The following CNTNAP1 variants were observed in gnomAD, a reference collection of about 807,000 sequenced individuals.
CNTNAP1 encodes contactin-associated protein 1.
A neutral mutation model predicts 161.5 loss-of-function variants in CNTNAP1; 80 were observed. The ratio of observed to expected loss-of-function variants is 0.50; its 90% CI spans 0.41 to 0.60. CNTNAP1 has a LOEUF of 0.60. Among genes scored for constraint, CNTNAP1 ranks in the 20% least tolerant of loss-of-function variants. CNTNAP1 has a pLI of 0.00. For missense variants in CNTNAP1, 1,464 were observed against 1,854.8 expected, an observed-to-expected ratio of 0.79 and a Z score of 3.87; for synonymous variants, 695 against 733.1, an observed-to-expected ratio of 0.95 and a Z score of 0.84.
chr17:42,692,349 GGTAA>G (rs2143666296), intron 16 of CNTNAP1, 146 bp from the exon 17 acceptor site: 1 of 681,156 alleles, frequency 1.5e-6, no homozygotes, highest in South Asian at 1.9e-5. Context: ...TTAAGCAGCT[GGTAA>G]GTTTCAATGC....
Position 42,689,619 on chromosome 17 carries a change from GC to G in CNTNAP1, c.1729del (p.His577ThrfsTer32), listed in dbSNP as rs1175663331. On this transcript the variant is annotated frameshift_variant, in exon 11 of 24. Coordinates refer to ENST00000264638, the MANE Select transcript of CNTNAP1 (RefSeq NM_003632.3). LOFTEE classifies it high-confidence loss of function. Reference sequence around the variant, plus strand: ...CTGACGGGCTACAAGGGAGAGACCTGCCACACACGTAAGCCAGATGTGGTAT... The same window carrying G: ...CTGACGGGCTACAAGGGAGAGACCTGCACACACGTAAGCCAGATGTGGTAT... ...CELTGYKGET[C>X]HTPLYKESCE... 6.2e-7 allele frequency: 1 copy of G among 1,613,660 alleles called. No homozygotes were observed. Among genetic ancestry groups the G allele is most frequent in the Non-Finnish European group, 8.5e-7 (1 of 1,179,670 alleles).
intron 6 of CNTNAP1, 65 bp from the exon 7 acceptor site, chr17:42,686,838 G>A: frequency 1.3e-6 from 2 of 1,517,282 alleles, no homozygotes; most frequent in Non-Finnish European, 1.8e-6. Flanking sequence ...CATACGGCGG[G>A]GACGCGCGAG....
chr17:42,695,516 T>C lies in CNTNAP1; in HGVS notation c.2993-5T>C, dbSNP rs771302298. On this transcript the variant is annotated splice_region_variant and splice_polypyrimidine_tract_variant and intron_variant, in intron 18 of 23. Transcript: ENST00000264638. ...GGGCCCTAACCTCCCTGCTTCTACC[T>C]GCAGATATTGGTGGTTTCTTTGAGC... The C allele has an allele frequency of 6.3e-7, 1 of 1,599,410 alleles. No individual in the cohort carries two copies. The highest frequency in any genetic ancestry group is 1.7e-5 in the Admixed American group (1 of 59,362).
chr17:42,697,379 G>A lies in CNTNAP1; in HGVS notation c.3568+12G>A. On this transcript the variant is annotated intron_variant, in intron 21 of 23. Coordinates refer to ENST00000264638, the MANE Select transcript of CNTNAP1 (RefSeq NM_003632.3). Reference sequence around the variant, plus strand: ...AGGGCGTGTGATGGGTAAGCTGCGGGTGCGGACGCGTTTTAGGCAAGGAGC... The same window carrying A: ...AGGGCGTGTGATGGGTAAGCTGCGGATGCGGACGCGTTTTAGGCAAGGAGC... 2 of 1,613,686 alleles carry A rather than the reference G, an allele frequency of 1.2e-6. No individual in the cohort carries two copies. Among genetic ancestry groups the A allele is most frequent in the Non-Finnish European group, 1.7e-6 (2 of 1,179,620 alleles).
chr17:42,682,634 C>A lies in CNTNAP1; in HGVS notation c.-196C>A. The stretch of plus-strand genomic sequence containing the variant: ...GAGAGAAGAGCGGAGGACCAGGAAC[C>A]AGAGAGAGAGAGAGAGAAAAGAGAG... On this transcript the variant is annotated 5_prime_UTR_variant, in exon 1 of 24. Transcript: ENST00000264638. 1 of 554,176 alleles carries A rather than the reference C, an allele frequency of 1.8e-6. No homozygotes were observed. Among genetic ancestry groups the A allele is most frequent in the Admixed American group, 3.0e-5 (1 of 33,772 alleles). 34.3% of individuals were successfully genotyped at this position (554,176 alleles called of 1,614,324 possible).
chr17:42,682,939 T>A, intron 1 of CNTNAP1, 43 bp downstream of exon 1: 1 of 1,548,054 alleles, frequency 6.5e-7, no homozygotes, highest in Non-Finnish European at 8.7e-7. Context: ...GGCCCAGGAG[T>A]CCAGAGCCTG....
intron 17 of CNTNAP1, 136 bp from the exon 18 acceptor site, chr17:42,693,161 A>G (rs2053112238): frequency 5.7e-6 from 6 of 1,044,778 alleles, no homozygotes; most frequent in Admixed American, 2.4e-5. Context: ...GGGTTTCATC[A>G]TGTTAGCCAG....
Position 42,685,640 on chromosome 17 carries a change from G to A in CNTNAP1, c.715+220G>A, listed in dbSNP as rs1482667782. ...CAGCTCTACCACTACACAGAGATGT[G>A]ACCTCGGATGGGGCACTTCCGAGCC... On this transcript the variant is annotated intron_variant, in intron 5 of 23. Transcript: ENST00000264638. The surrounding 1 kb of genome is among the most constrained non-coding windows in gnomAD (Gnocchi z 5.0). Among the ~76,000 whole-genome samples the A allele has an allele frequency of 6.6e-6, 1 of 152,220 alleles. No individual in the cohort carries two copies. Among genetic ancestry groups the A allele is most frequent in the Non-Finnish European group, 1.5e-5 (1 of 68,044 alleles).
At position 42,688,612 on chromosome 17, in the gene CNTNAP1, G is replaced by A. The variant is rs750830334; in HGVS notation, c.1456+1G>A. 6.2e-7 allele frequency: 1 copy of A among 1,614,170 alleles called. No individual in the cohort carries two copies. Among genetic ancestry groups the A allele is most frequent in the Non-Finnish European group, 8.5e-7 (1 of 1,180,026 alleles). ...ACAGGGACCTCATATTTCTTTGGGG[G>A]TAAGTGGGGGCCAACCTGACCAGAC... On this transcript the variant is annotated splice_donor_variant, in intron 9 of 23. Coordinates refer to ENST00000264638, the MANE Select transcript of CNTNAP1 (RefSeq NM_003632.3). LOFTEE classifies it high-confidence loss of function.
At position 42,687,974 on chromosome 17, in the gene CNTNAP1, C is replaced by T. The variant is rs758492423; in HGVS notation, c.1299C>T (p.Phe433=). ...IAQSGRKKLQ[F]AAGYRLNDGF... ...AGAGCGGCCGAAAGAAGCTTCAGTT[C>T]GCTGCTGGTGAGGGCGTTTCGGGGG... is the stretch of plus-strand genomic sequence containing the variant. The change falls in exon 8 of 24, where the codon TTC becomes TTT. Residue 433 remains phenylalanine, a synonymous_variant. Transcript: ENST00000264638. This position sits in a 1 kb window ranked among gnomAD's most constrained non-coding sequence, Gnocchi z 4.7. The T allele has an allele frequency of 8.7e-6, 14 of 1,612,582 alleles. No individual in the cohort carries two copies. The highest frequency in any genetic ancestry group is 1.3e-5 in the African/African-American group (1 of 74,838).
chr17:42,690,223 G>A lies in CNTNAP1; in HGVS notation c.1855+16G>A, dbSNP rs769239300. On this transcript the variant is annotated intron_variant, in intron 12 of 23. Coordinates refer to ENST00000264638, the MANE Select transcript of CNTNAP1 (RefSeq NM_003632.3). ...GATATCCGAGGTAAGTGTCTCTGTTGGGTGGTGAGGGGGTGAGGGGAGAAC... is the reference window on the plus strand; with the variant it reads ...GATATCCGAGGTAAGTGTCTCTGTTAGGTGGTGAGGGGGTGAGGGGAGAAC... The A allele has an allele frequency of 1.2e-6, 2 of 1,613,630 alleles. No individual in the cohort carries two copies. Among genetic ancestry groups the A allele is most frequent in the Admixed American group, 1.7e-5 (1 of 59,982 alleles).
At position 42,698,965 on chromosome 17, in the gene CNTNAP1, T is replaced by C. The variant is rs2053191521; in HGVS notation, c.*55T>C. ...CTCCTGACATTCCCCCAGTCCTGCC[T>C]CTCCCCCATCCTATCAGGGACATTT... On this transcript the variant is annotated 3_prime_UTR_variant, in exon 24 of 24. Transcript: ENST00000264638. The C allele has an allele frequency of 6.9e-7, 1 of 1,451,152 alleles. No homozygotes were observed. Among genetic ancestry groups the C allele is most frequent in the Admixed American group, 2.3e-5 (1 of 43,160 alleles). The allele number at this position is 1,451,152 out of a possible 1,614,324, so 89.9% of individuals were successfully genotyped here.
intron 16 of CNTNAP1, among the ~76,000 whole-genome samples, chr17:42,692,192 C>A (rs987978813): frequency 1.3e-5 from 2 of 152,192 alleles, no homozygotes; most frequent in African/African-American, 4.8e-5. Flanking sequence ...CCTCTCTTGG[C>A]CTTAAGCCCC....
chr17:42,683,251 T>TAA (rs2052960852), intron 1 of CNTNAP1: 1 of 659,898 alleles, frequency 1.5e-6, no homozygotes, highest in African/African-American at 2.0e-5. Context: ...GGCTGGACTT[T>TAA]GGAGCTGGCC....
At position 42,696,124 on chromosome 17, in the gene CNTNAP1, C is replaced by A. The variant is rs753006645; in HGVS notation, c.3446C>A (p.Thr1149Asn). ...GGCCAGCCCCATAGCATCAATATCA[C>A]CCGTGTTTACCGGAACCTCTTCATC... ...TDGQPHSINI[T>N]RVYRNLFIQV... is the part of the protein sequence containing the mutation. Residue 1149 changes from threonine (T) to asparagine (N), a missense_variant, in exon 20 of 24, where the codon ACC becomes AAC. Physicochemically the swap from Thr to Asn is moderately conservative, Grantham distance 65 (BLOSUM62 0). This residue lies in a region of CNTNAP1 where 1,383 missense variants were observed against 1,765.0 expected (regional missense o/e 0.78). Transcript: ENST00000264638. 1.2e-6 allele frequency: 2 copies of A among 1,614,034 alleles called. No homozygotes were observed. The highest frequency in any genetic ancestry group is 1.1e-5 in the South Asian group (1 of 91,084).
rs2053080010 is a variant in CNTNAP1 at position 42,691,055 on chromosome 17, T to G, written c.2060-82T>G. The G allele has an allele frequency of 6.3e-7, 1 of 1,595,176 alleles. No homozygotes were observed. Among genetic ancestry groups the G allele is most frequent in the Non-Finnish European group, 8.5e-7 (1 of 1,169,950 alleles). On this transcript the variant is annotated intron_variant, in intron 13 of 23. Coordinates refer to ENST00000264638, the MANE Select transcript of CNTNAP1 (RefSeq NM_003632.3). This position sits in a 1 kb window ranked among gnomAD's most constrained non-coding sequence, Gnocchi z 4.3. ...TTGGGTTGGAAGATTCAAGGAGGGG[T>G]CTGAACTCGCTGGAAGGGCGAGAGG... is the stretch of plus-strand genomic sequence containing the variant.
rs1413685203 is a variant in CNTNAP1 at position 42,699,038 on chromosome 17, C to T, written c.*128C>T. Reference sequence around the variant, plus strand: ...TCATCCAGAGGATATTCCCCCATCCCCCCCCCATCAAGTTTGGTGGGCAGA... The same window carrying T: ...TCATCCAGAGGATATTCCCCCATCCTCCCCCCATCAAGTTTGGTGGGCAGA... On this transcript the variant is annotated 3_prime_UTR_variant, in exon 24 of 24. Coordinates refer to ENST00000264638, the MANE Select transcript of CNTNAP1 (RefSeq NM_003632.3). The T allele has an allele frequency of 4.1e-6, 3 of 738,788 alleles. No individual in the cohort carries two copies. Among genetic ancestry groups the T allele is most frequent in the Non-Finnish European group, 6.2e-6 (3 of 486,004 alleles). 45.8% of individuals were successfully genotyped at this position (738,788 alleles called of 1,614,324 possible).
Position 42,687,555 on chromosome 17 carries a change from T to G in CNTNAP1, c.1045-165T>G, listed in dbSNP as rs925492530. The G allele has an allele frequency of 3.0e-5, 27 of 909,648 alleles. No homozygotes were observed. In the East Asian group the frequency reaches 7.0e-4, roughly 24 times the overall value. The allele number at this position is 909,648 out of a possible 1,614,324, so 56.3% of individuals were successfully genotyped here. On this transcript the variant is annotated intron_variant, in intron 7 of 23. Transcript: ENST00000264638. This position sits in a 1 kb window ranked among gnomAD's most constrained non-coding sequence, Gnocchi z 4.7. ...ACTGGGTTGGGGCCCCCTCCACAGA[T>G]GGACGAGCTTGGAGGGGAAGAGGTC...
At chr17:42,688,034 C>T in intron 8 of CNTNAP1, 53 bp downstream of exon 8, 2 of 1,581,204 alleles carry the variant, frequency 1.3e-6, no homozygotes, top group Non-Finnish European at 1.7e-6. Context: ...TAGAGGATCC[C>T]AGGAAAGTTG....
Sources: gnomAD v4.1 joint callset for allele counts (sites outside exome capture counted in the v4.1 genomes callset) on GRCh38, gnomAD v4.1.1 for gene constraint, gnomAD v4.1.1 regional missense constraint, Gnocchi (gnomAD v3.1) non-coding constraint, MANE v1.5 for transcripts, NCBI Gene and HGNC (gene_info 2026-07-23, HGNC 2026-07-21) for gene names.